The following CFTR variants were observed in gnomAD, a reference collection of about 807,000 sequenced individuals.
CFTR encodes cystic fibrosis transmembrane conductance regulator.
CFTR carries 181 observed loss-of-function variants against 171.6 expected under a neutral mutation model. That is an observed-to-expected ratio of 1.05 (90% confidence interval 0.93 to 1.19). CFTR has a LOEUF of 1.19. Among genes scored for constraint, CFTR ranks in the 50% most tolerant of loss-of-function variants. The pLI, the probability that CFTR is intolerant of heterozygous loss-of-function variation, is 0.00. For synonymous variants in CFTR, 583 were observed against 608.0 expected, an observed-to-expected ratio of 0.96 and a Z score of 0.60; for missense variants, 1,968 against 1,734.7, an observed-to-expected ratio of 1.13 and a Z score of -2.39.
intron 3 of CFTR, among the ~76,000 whole-genome samples, chr7:117,522,743 CTA>C (rs1213350964): frequency 6.6e-6 from 1 of 151,976 alleles, no homozygotes; most frequent in African/African-American, 2.4e-5. Flanking sequence ...AATATAGGGA[CTA>C]TGTTTCTCCC....
rs36055118 is a variant in CFTR at position 117,510,955 on chromosome 7, G to T, written c.273+1813G>T. Among the ~76,000 whole-genome samples the T allele has an allele frequency of 3.9e-3, 595 of 152,228 alleles. 1 individual carries two copies. Among genetic ancestry groups the T allele is most frequent in the Non-Finnish European group, 5.1e-3 (350 of 68,024 alleles). On this transcript the variant is annotated intron_variant, in intron 3 of 26. Coordinates refer to ENST00000003084, the MANE Select transcript of CFTR (RefSeq NM_000492.4). ...AGGCAAATTAAGTAACTTTCCCAAA[G>T]TTACACATATGGTAAGTTTGAGAGA...
intron 17 of CFTR, among the ~76,000 whole-genome samples, chr7:117,604,087 C>T (rs1167061534): frequency 6.6e-6 from 1 of 152,162 alleles, no homozygotes; most frequent in Non-Finnish European, 1.5e-5. Flanking sequence ...TTTGGTCTAG[C>T]TCTCTTCTGG....
chr7:117,572,157 A>G (rs1483306281), intron 11 of CFTR, among the ~76,000 whole-genome samples: 1 of 152,042 alleles, frequency 6.6e-6, no homozygotes, highest in Non-Finnish European at 1.5e-5. Flanking sequence ...ACCTGCCACC[A>G]GGTCCAGCTA....
rs1024941632 is a variant in CFTR, at chr7:117,531,194, C to G, written c.489+80C>G. On this transcript the variant is annotated intron_variant, in intron 4 of 26. Transcript: ENST00000003084. Reference sequence around the variant, plus strand: ...TTAATGTCATAAATTAGGTAGTGAGCTGGTACAAGTAAGGGATAAATGCTG... The same window carrying G: ...TTAATGTCATAAATTAGGTAGTGAGGTGGTACAAGTAAGGGATAAATGCTG... 35 of 1,087,620 alleles carry G rather than the reference C, an allele frequency of 3.2e-5. No individual in the cohort carries two copies. The African/African-American group carries it at 4.7e-4, about 15-fold the overall frequency. 67.4% of individuals were successfully genotyped at this position (1,087,620 alleles called of 1,614,324 possible).
intron 3 of CFTR, among the ~76,000 whole-genome samples, chr7:117,511,887 A>G (rs1373267225): frequency 6.6e-6 from 1 of 152,074 alleles, no homozygotes. Context: ...CCATTATAGT[A>G]TTTCTCTACA....
rs751348867 is a variant in CFTR at position 117,536,583 on chromosome 7, T to G, written c.779T>G (p.Val260Gly). 5 of 1,605,144 alleles carry G rather than the reference T, an allele frequency of 3.1e-6. No individual in the cohort carries two copies. The highest frequency in any genetic ancestry group is 4.3e-6 in the Non-Finnish European group (5 of 1,175,230). ...GCTGGGAAGATCAGTGAAAGACTTG[T>G]GATTACCTCAGAAATGATTGAAAAT... ...QRAGKISERL[V>G]ITSEMIENIQ... is the part of the protein sequence containing the mutation. Residue 260 changes from valine (V) to glycine (G), a missense_variant, in exon 7 of 27, where the codon GTG (valine) becomes GGG (glycine). Coordinates refer to ENST00000003084, the MANE Select transcript of CFTR (RefSeq NM_000492.4).
chr7:117,563,597 A>G (rs999010321), intron 11 of CFTR, among the ~76,000 whole-genome samples: 3 of 152,142 alleles, frequency 2.0e-5, no homozygotes, highest in Admixed American at 1.3e-4. Flanking sequence ...TAGAAATGCT[A>G]TGGGGTTAGG....
intron 2 of CFTR, among the ~76,000 whole-genome samples, chr7:117,507,184 T>C (rs1798433266): frequency 6.6e-6 from 1 of 152,204 alleles, no homozygotes. Context: ...TCACCTACTC[T>C]TGGTGCTAAC....
chr7:117,623,856 G>A lies in CFTR; in HGVS notation c.3469-3666G>A, dbSNP rs576310655. ...CCATTGTTTGACTATAACAAGGAAC[G>A]CTTTGAACGAGGTTACTATCATAGG... On this transcript the variant is annotated intron_variant, in intron 21 of 26. Transcript: ENST00000003084. 6.6e-5 allele frequency among the ~76,000 whole-genome samples: 10 copies of A among 152,268 alleles called. No homozygotes were observed. In the South Asian group the frequency reaches 1.5e-3, roughly 22 times the overall value.
chr7:117,540,361 T>G lies in CFTR; in HGVS notation c.1116+15T>G, dbSNP rs764122310. 1.2e-6 allele frequency: 2 copies of G among 1,608,608 alleles called. No individual in the cohort carries two copies. Among genetic ancestry groups the G allele is most frequent in the South Asian group, 2.2e-5 (2 of 90,900 alleles). ...ACAAAATACAGGTAATGTACCATAA[T>G]GCTGCATTATATACTATGATTTAAA... On this transcript the variant is annotated intron_variant, in intron 8 of 26. Transcript: ENST00000003084.
intron 10 of CFTR, among the ~76,000 whole-genome samples, chr7:117,554,024 C>T (rs911023330): frequency 6.6e-6 from 1 of 152,034 alleles, no homozygotes; most frequent in African/African-American, 2.4e-5. Flanking sequence ...GAGAAGTAAT[C>T]GGCGGTGGAG....
At position 117,642,439 on chromosome 7, in the gene CFTR, T is replaced by G. The variant is rs397508598; in HGVS notation, c.3719T>G (p.Val1240Gly). Reference sequence around the variant, plus strand: ...GATCCCATCACTTTTACCTTATAGGTGGGCCTCTTGGGAAGAACTGGATCA... The same window carrying G: ...GATCCCATCACTTTTACCTTATAGGGGGGCCTCTTGGGAAGAACTGGATCA... ...ISFSISPGQR[V>G]GLLGRTGSGK... Residue 1240 changes from valine (V) to glycine (G), a missense_variant and splice_region_variant, in exon 23 of 27, where the codon GTG (valine) becomes GGG (glycine). Physicochemically the swap from Val to Gly is moderately radical, Grantham distance 109. Transcript: ENST00000003084. 3 of 1,613,402 alleles carry G rather than the reference T, an allele frequency of 1.9e-6. No homozygotes were observed. Among genetic ancestry groups the G allele is most frequent in the Non-Finnish European group, 2.5e-6 (3 of 1,179,470 alleles).
In CFTR at chr7:117,666,902, C is replaced by A; in HGVS notation, c.4243-6C>A. The A allele has an allele frequency of 6.2e-7, 1 of 1,613,806 alleles. No homozygotes were observed. The highest frequency in any genetic ancestry group is 1.1e-5 in the South Asian group (1 of 91,058). ...TCCCAGATCTCACTAACAGCCATTTCCCTAGGTCATAGAAGAGAACAAAGT... is the reference window on the plus strand; with the variant it reads ...TCCCAGATCTCACTAACAGCCATTTACCTAGGTCATAGAAGAGAACAAAGT... On this transcript the variant is annotated splice_polypyrimidine_tract_variant and splice_region_variant and intron_variant, in intron 26 of 26. Coordinates refer to ENST00000003084, the MANE Select transcript of CFTR (RefSeq NM_000492.4).
At chr7:117,649,302 GTA>G (rs1233011440) in intron 23 of CFTR, among the ~76,000 whole-genome samples, 2 of 148,352 alleles carry the variant, frequency 1.3e-5, no homozygotes, top group Admixed American at 6.8e-5. Context: ...GTGTGTGTGT[GTA>G]TATGTGTGTG....
intron 22 of CFTR, among the ~76,000 whole-genome samples, chr7:117,640,421 T>C (rs933618028): frequency 2.6e-5 from 4 of 152,106 alleles, no homozygotes; most frequent in African/African-American, 7.2e-5. Flanking sequence ...ACCTAAAAAC[T>C]GAGTTCTCTA....
chr7:117,510,294 G>T (rs1798494070), intron 3 of CFTR, among the ~76,000 whole-genome samples: 1 of 152,130 alleles, frequency 6.6e-6, no homozygotes, highest in East Asian at 1.9e-4. Context: ...GCACCACCCA[G>T]AGCTTTGAGA....
chr7:117,589,487 T>A (rs1351179447), intron 12 of CFTR, among the ~76,000 whole-genome samples: 1 of 152,010 alleles, frequency 6.6e-6, no homozygotes, highest in Non-Finnish European at 1.5e-5. Flanking sequence ...TTACTATCAA[T>A]CACACCTGAA....
At chr7:117,506,395 C>T (rs1439189624) in intron 2 of CFTR, among the ~76,000 whole-genome samples, 1 of 152,026 alleles carries the variant, frequency 6.6e-6, no homozygotes, top group Non-Finnish European at 1.5e-5. Flanking sequence ...TACAGGCACT[C>T]GCCACAATGC....
intron 15 of CFTR, among the ~76,000 whole-genome samples, chr7:117,598,367 C>A (rs181973634): frequency 1.2e-3 from 184 of 152,218 alleles, no homozygotes; most frequent in African/African-American, 4.2e-3. Context: ...GAAAAAGAAC[C>A]ACCTCTCCTA....
Sources: gnomAD v4.1 joint callset for allele counts (sites outside exome capture counted in the v4.1 genomes callset) on GRCh38, gnomAD v4.1.1 for gene constraint, MANE v1.5 for transcripts, NCBI Gene and HGNC (gene_info 2026-07-23, HGNC 2026-07-21) for gene names.